The following ANXA8 variants were observed in gnomAD, a reference collection of about 807,000 sequenced individuals.
The protein encoded by ANXA8 is annexin A8.
Under a neutral mutation model 26.8 loss-of-function variants are expected in ANXA8, and 9 were observed. That is an observed-to-expected ratio of 0.34 (90% CI 0.20 to 0.59). The LOEUF (loss-of-function observed/expected upper bound fraction) is 0.59. ANXA8 is among the 20% of genes least tolerant of loss of function. ANXA8 has a pLI of 0.84. For synonymous variants in ANXA8, 39 were observed against 94.8 expected (o/e 0.41, Z 3.42); for missense variants, 83 against 238.5 (o/e 0.35, Z 4.29).
chr10:47,777,156 A>T, the ANXA8 span, among the ~76,000 whole-genome samples: 1 of 151,652 alleles, frequency 6.6e-6, no homozygotes, highest in Admixed American at 6.6e-5. Context: ...GATCGGGGGC[A>T]ATTAGCAATC....
At chr10:47,659,692 A>AG in the ANXA8 span, among the ~76,000 whole-genome samples, 9,422 of 150,044 alleles carry the variant, frequency 0.063, 830 homozygotes, top group African/African-American at 0.22. Flanking sequence ...AAAAAAAAAA[A>AG]GAGTGTTTTA....
chr10:47,561,627 C>A, the ANXA8 span, among the ~76,000 whole-genome samples: 1 of 151,696 alleles, frequency 6.6e-6, no homozygotes, highest in Non-Finnish European at 1.5e-5. Flanking sequence ...GTGGCCATAG[C>A]TTTTCTTTCT....
At chr10:47,689,599 T>C in the ANXA8 span, 1 of 509,174 alleles carries the variant, frequency 2.0e-6, no homozygotes, top group Non-Finnish European at 3.5e-6. Flanking sequence ...GTTAATTATG[T>C]TTTTGACTCA....
chr10:47,660,806 G>T, the ANXA8 span, among the ~76,000 whole-genome samples: 4 of 106,378 alleles, frequency 3.8e-5, no homozygotes, highest in South Asian at 2.7e-4. Context: ...TCCACTGACT[G>T]TCAAAAAAAA....
the ANXA8 span, among the ~76,000 whole-genome samples, chr10:47,681,051 G>A: frequency 6.6e-6 from 1 of 151,052 alleles, no homozygotes; most frequent in Non-Finnish European, 1.5e-5. Context: ...TCCACTACCT[G>A]CAGTCTTCCT....
the ANXA8 span, among the ~76,000 whole-genome samples, chr10:47,937,852 G>A: frequency 1.4e-5 from 2 of 145,542 alleles, no homozygotes; most frequent in East Asian, 4.0e-4. Context: ...TAAAGGACAT[G>A]ATCTCATTCT....
the ANXA8 span, among the ~76,000 whole-genome samples, chr10:47,721,512 T>C: frequency 7.1e-6 from 1 of 141,030 alleles, no homozygotes; most frequent in African/African-American, 2.6e-5. Context: ...GAATTATTAT[T>C]TTTTATTTAT....
the ANXA8 span, among the ~76,000 whole-genome samples, chr10:47,611,821 C>T: frequency 2.8e-5 from 2 of 72,062 alleles, 1 homozygote; most frequent in Non-Finnish European, 7.1e-5. Flanking sequence ...GAGTTATTCA[C>T]CAGGTCATAT....
chr10:47,969,279 G>A, the ANXA8 span, among the ~76,000 whole-genome samples: 10,657 of 150,826 alleles, frequency 0.071, 3 homozygotes, highest in African/African-American at 0.24. Flanking sequence ...TCCAACTAAC[G>A]CAGGGTGTAT....
intron 11 of ANXA8, among the ~76,000 whole-genome samples, chr10:47,470,266 A>G (rs1839292460): frequency 6.6e-6 from 1 of 151,342 alleles, no homozygotes; most frequent in African/African-American, 2.5e-5. Flanking sequence ...TGTATTCATG[A>G]TTCTAACTCA....
the ANXA8 span, among the ~76,000 whole-genome samples, chr10:47,951,918 A>T: frequency 6.6e-6 from 1 of 150,458 alleles, no homozygotes; most frequent in African/African-American, 2.5e-5. Context: ...ACTATGACCA[A>T]GAGTGCTTAT....
At chr10:47,559,266 A>T in the ANXA8 span, among the ~76,000 whole-genome samples, 1 of 149,636 alleles carries the variant, frequency 6.7e-6, no homozygotes, top group Non-Finnish European at 1.5e-5. Context: ...GCTAGGAAAT[A>T]CAGAAGCATG....
chr10:47,702,451 C>T, the ANXA8 span, among the ~76,000 whole-genome samples: 1 of 151,302 alleles, frequency 6.6e-6, no homozygotes, highest in African/African-American at 2.4e-5. Flanking sequence ...AGCAATTCTC[C>T]TGCTTCAGCC....
chr10:47,573,864 T>C, the ANXA8 span, among the ~76,000 whole-genome samples: 1 of 150,074 alleles, frequency 6.7e-6, no homozygotes, highest in African/African-American at 2.5e-5. Context: ...GTGGAGAGGG[T>C]TGGGGTATAA....
the ANXA8 span, among the ~76,000 whole-genome samples, chr10:47,982,834 A>ATATATAT: frequency 1.3e-3 from 85 of 67,542 alleles, no homozygotes; most frequent in African/African-American, 1.6e-3. Context: ...ATATATATAT[A>ATATATAT]AAATTTGATA....
the ANXA8 span, among the ~76,000 whole-genome samples, chr10:47,646,570 A>T: frequency 2.0e-5 from 3 of 151,470 alleles, no homozygotes; most frequent in African/African-American, 7.3e-5. Context: ...TAGTTGAGAC[A>T]GAAACAGGCC....
At chr10:47,769,712 G>A in the ANXA8 span, among the ~76,000 whole-genome samples, 1 of 152,306 alleles carries the variant, frequency 6.6e-6, no homozygotes, top group Non-Finnish European at 1.5e-5. Flanking sequence ...TGAGCCTGTG[G>A]GAAGGCTGTT....
chr10:47,647,114 C>T, the ANXA8 span, among the ~76,000 whole-genome samples: 1 of 152,374 alleles, frequency 6.6e-6, no homozygotes, highest in Admixed American at 6.5e-5. Context: ...ACACTATTAA[C>T]ATCACTTTGC....
the ANXA8 span, among the ~76,000 whole-genome samples, chr10:47,609,488 G>A: frequency 2.4e-5 from 2 of 84,138 alleles, no homozygotes; most frequent in Non-Finnish European, 4.4e-5. Context: ...GTCACACTAG[G>A]GTGTTTGGGT....
Sources: gnomAD v4.1 joint callset for allele counts (sites outside exome capture counted in the v4.1 genomes callset) on GRCh38, gnomAD v4.1.1 for gene constraint, MANE v1.5 for transcripts, NCBI Gene and HGNC (gene_info 2026-07-23, HGNC 2026-07-21) for gene names.